The following NRXN3 variants were observed in gnomAD, a reference collection of about 807,000 sequenced individuals.
NRXN3 encodes the protein neurexin III.
A neutral mutation model predicts 137.6 loss-of-function variants in NRXN3; 32 were observed. The ratio of observed to expected loss-of-function variants is 0.23; its 90% CI spans 0.18 to 0.31. The LOEUF (loss-of-function observed/expected upper bound fraction) is 0.31. Ranked by LOEUF, NRXN3 falls within the 10% of genes least tolerant of loss-of-function variation. NRXN3 has a pLI of 1.00. For synonymous variants in NRXN3, 798 were observed against 784.5 expected, an observed-to-expected ratio of 1.02 and a Z score of -0.29; for missense variants, 1,574 against 2,062.5, an observed-to-expected ratio of 0.76 and a Z score of 4.59.
chr14:79,745,170 ATTTC>A (rs2098975839), intron 19 of NRXN3, among the ~76,000 whole-genome samples: 2 of 152,126 alleles, frequency 1.3e-5, no homozygotes, highest in Non-Finnish European at 2.9e-5. Flanking sequence ...CACTTGGTTA[ATTTC>A]ATTGCTCAGT....
intron 4 of NRXN3, among the ~76,000 whole-genome samples, chr14:78,464,464 G>T (rs1022922906): frequency 4.6e-5 from 7 of 152,160 alleles, no homozygotes; most frequent in African/African-American, 1.4e-4. Flanking sequence ...ATATAGGTGA[G>T]AGAATTCAGA....
intron 4 of NRXN3, among the ~76,000 whole-genome samples, chr14:78,441,473 G>T (rs926148581): frequency 2.0e-5 from 3 of 152,024 alleles, no homozygotes; most frequent in Admixed American, 6.6e-5. Context: ...ACTTGACCTT[G>T]CTTTCTGTGC....
intron 15 of NRXN3, among the ~76,000 whole-genome samples, chr14:79,006,678 A>T (rs1430534837): frequency 6.6e-6 from 1 of 152,172 alleles, no homozygotes; most frequent in Non-Finnish European, 1.5e-5. Context: ...TCTATCCATT[A>T]AAAAATGTGA....
intron 8 of NRXN3, among the ~76,000 whole-genome samples, chr14:78,721,495 A>G (rs1481953928): frequency 6.6e-6 from 1 of 152,142 alleles, no homozygotes. Context: ...AAGGAGAGAG[A>G]GAAAGGTGAA....
At chr14:79,475,806 T>A (rs2096554508) in intron 16 of NRXN3, among the ~76,000 whole-genome samples, 1 of 152,094 alleles carries the variant, frequency 6.6e-6, no homozygotes, top group African/African-American at 2.4e-5. Flanking sequence ...AATGAAGCAA[T>A]ATAAAATTCT....
At chr14:78,842,795 GAA>G (rs956452239) in intron 10 of NRXN3, among the ~76,000 whole-genome samples, 18 of 152,058 alleles carry the variant, frequency 1.2e-4, no homozygotes, top group African/African-American at 4.1e-4. Context: ...TGCTTGCTGA[GAA>G]AAACAATTCA....
At chr14:78,431,373 C>T (rs534827634) in intron 4 of NRXN3, among the ~76,000 whole-genome samples, 2 of 152,256 alleles carry the variant, frequency 1.3e-5, no homozygotes, top group South Asian at 4.1e-4. Flanking sequence ...TCCTCGAACA[C>T]CCGTACTGTA....
At chr14:78,945,923 G>C (rs2099364218) in intron 10 of NRXN3, among the ~76,000 whole-genome samples, 1 of 152,198 alleles carries the variant, frequency 6.6e-6, no homozygotes, top group Non-Finnish European at 1.5e-5. Flanking sequence ...GACCTTCTAA[G>C]TGGTTCACAC....
At chr14:79,125,282 G>A (rs2056207813) in intron 15 of NRXN3, among the ~76,000 whole-genome samples, 5 of 152,094 alleles carry the variant, frequency 3.3e-5, no homozygotes, top group African/African-American at 2.4e-5. Context: ...GCACTTATTA[G>A]TGTATAAAAT....
chr14:79,376,740 T>C (rs536158657), intron 15 of NRXN3, among the ~76,000 whole-genome samples: 23 of 152,214 alleles, frequency 1.5e-4, no homozygotes, highest in Admixed American at 9.8e-4. Flanking sequence ...CTGGGAGCTC[T>C]CCAAGGTGTG....
chr14:79,543,448 A>G (rs964072333), intron 16 of NRXN3, among the ~76,000 whole-genome samples: 16 of 152,162 alleles, frequency 1.1e-4, no homozygotes, highest in African/African-American at 3.1e-4. Flanking sequence ...GAGTCCCCTG[A>G]CAGAGAGATG....
At chr14:79,832,661 T>TA (rs1227627953) in intron 20 of NRXN3, among the ~76,000 whole-genome samples, 1 of 152,026 alleles carries the variant, frequency 6.6e-6, no homozygotes, top group Non-Finnish European at 1.5e-5. Flanking sequence ...AAAATGGCAA[T>TA]AGTGTAGAGG....
chr14:79,135,032 A>T (rs1413518387), intron 15 of NRXN3, among the ~76,000 whole-genome samples: 1 of 152,246 alleles, frequency 6.6e-6, no homozygotes, highest in Admixed American at 6.5e-5. Flanking sequence ...TAAGGCTAAA[A>T]CACCACTGAT....
At chr14:79,681,489 G>A (rs1028363380) in intron 17 of NRXN3, among the ~76,000 whole-genome samples, 1 of 152,076 alleles carries the variant, frequency 6.6e-6, no homozygotes, top group Non-Finnish European at 1.5e-5. Flanking sequence ...AGCCGAGTAG[G>A]TTCACATGGC....
chr14:78,436,088 G>A (rs139768280), intron 4 of NRXN3, among the ~76,000 whole-genome samples: 63 of 152,310 alleles, frequency 4.1e-4, no homozygotes, highest in Middle Eastern at 3.4e-3. Context: ...AGAGTGCTTG[G>A]TGAAAACCCT....
chr14:78,861,781 C>A (rs974937971), intron 10 of NRXN3, among the ~76,000 whole-genome samples: 1 of 152,084 alleles, frequency 6.6e-6, no homozygotes, highest in African/African-American at 2.4e-5. Context: ...ATCCTGTCAT[C>A]AGTAAAACCA....
chr14:78,747,852 T>C (rs2098618845), intron 8 of NRXN3, among the ~76,000 whole-genome samples: 2 of 152,216 alleles, frequency 1.3e-5, no homozygotes, highest in Admixed American at 1.3e-4. Context: ...TCCATTTCTG[T>C]CTCTTCTCCC....
chr14:79,096,998 A>G (rs2050465206), intron 15 of NRXN3, among the ~76,000 whole-genome samples: 2 of 149,948 alleles, frequency 1.3e-5, no homozygotes, highest in Admixed American at 6.9e-5. Context: ...CCAAGGTGGA[A>G]TCCTGGCCAA....
At chr14:78,296,070 T>C (rs933701117) in intron 3 of NRXN3, among the ~76,000 whole-genome samples, 6 of 150,426 alleles carry the variant, frequency 4.0e-5, no homozygotes, top group African/African-American at 1.5e-4. Context: ...CTTTTTTTTT[T>C]TTTTTTGAGA....
Sources: allele counts gnomAD v4.1 joint callset (sites outside exome capture counted in the v4.1 genomes callset), GRCh38; gene constraint gnomAD v4.1.1; transcripts MANE v1.5; gene names NCBI Gene and HGNC (gene_info 2026-07-23, HGNC 2026-07-21).